Variants in MICU3 observed in about 807,000 individuals in gnomAD.
MICU3 encodes the protein calcium uptake protein 3, mitochondrial.
MICU3 carries 62 observed loss-of-function variants against 66.5 expected under a neutral mutation model. The observed-to-expected ratio is 0.93, with a 90% CI of 0.76 to 1.15. The LOEUF (loss-of-function observed/expected upper bound fraction) is 1.15. Among genes scored for constraint, MICU3 ranks in the 50% most tolerant of loss-of-function variants. MICU3 has a pLI of 0.00. For synonymous variants in MICU3, 308 were observed against 240.7 expected, an observed-to-expected ratio of 1.28 and a Z score of -2.59; for missense variants, 779 against 664.4, an observed-to-expected ratio of 1.17 and a Z score of -1.90.
chr8:17,135,395 CA>C, the MICU3 span, among the ~76,000 whole-genome samples: 6,800 of 128,200 alleles, frequency 0.053, 173 homozygotes, highest in African/African-American at 0.076. Context: ...AAGACTGTCT[CA>C]AAAAAAAAAA....
chr8:17,117,169 G>T (rs533500145), intron 13 of MICU3, among the ~76,000 whole-genome samples: 1 of 151,924 alleles, frequency 6.6e-6, no homozygotes, highest in African/African-American at 2.4e-5. Flanking sequence ...TACTAGCAAC[G>T]AGGTCACTCT....
chr8:17,125,457 C>G (rs1412412043), downstream of MICU3, among the ~76,000 whole-genome samples: 1 of 151,958 alleles, frequency 6.6e-6, no homozygotes, highest in African/African-American at 2.4e-5. Context: ...CTTTGGTATA[C>G]GTTCATATTT....
At chr8:17,052,240 G>T (rs566245131) in intron 1 of MICU3, among the ~76,000 whole-genome samples, 104 of 152,008 alleles carry the variant, frequency 6.8e-4, no homozygotes, top group African/African-American at 2.4e-3. Flanking sequence ...CATAATATTT[G>T]TATGTATTTA....
chr8:17,106,686 A>C (rs1283579599), intron 11 of MICU3, among the ~76,000 whole-genome samples: 2 of 152,082 alleles, frequency 1.3e-5, no homozygotes, highest in Non-Finnish European at 2.9e-5. Flanking sequence ...GATTACTTGT[A>C]GAAATGGAAA....
intron 8 of MICU3, among the ~76,000 whole-genome samples, chr8:17,094,138 T>G (rs1418451036): frequency 1.3e-5 from 2 of 152,046 alleles, no homozygotes; most frequent in Admixed American, 1.3e-4. Context: ...TTGTACTTTA[T>G]GTAACTGGCA....
At chr8:17,086,315 T>C (rs1799461982) in intron 6 of MICU3, among the ~76,000 whole-genome samples, 1 of 151,990 alleles carries the variant, frequency 6.6e-6, no homozygotes, top group African/African-American at 2.4e-5. Context: ...AAAATCCTCA[T>C]CAGAAGCTAA....
chr8:17,048,396 T>G (rs1815465659), intron 1 of MICU3, among the ~76,000 whole-genome samples: 1 of 152,124 alleles, frequency 6.6e-6, no homozygotes, highest in Non-Finnish European at 1.5e-5. Flanking sequence ...ACATCTTACA[T>G]GGAGGCAGGA....
intron 14 of MICU3, among the ~76,000 whole-genome samples, chr8:17,120,084 A>G (rs910244741): frequency 1.1e-4 from 17 of 152,196 alleles, no homozygotes; most frequent in African/African-American, 4.1e-4. Flanking sequence ...GGAAGTGGCT[A>G]CCTTTCTCTA....
At chr8:17,083,054 C>A (rs1199254101) in intron 5 of MICU3, among the ~76,000 whole-genome samples, 1 of 152,038 alleles carries the variant, frequency 6.6e-6, no homozygotes, top group African/African-American at 2.4e-5. Context: ...AAATGAATTT[C>A]CCGAGCATTC....
chr8:17,077,726 A>C, intron 3 of MICU3, 57 bp from the exon 4 acceptor site: 1 of 1,197,844 alleles, frequency 8.3e-7, no homozygotes, highest in Non-Finnish European at 1.2e-6. Context: ...CATGTTTTTG[A>C]TCTATTTTAT....
At chr8:17,054,308 G>A (rs1343199078) in intron 1 of MICU3, among the ~76,000 whole-genome samples, 1 of 152,058 alleles carries the variant, frequency 6.6e-6, no homozygotes, top group Non-Finnish European at 1.5e-5. Context: ...GAAGTTTGAT[G>A]ATATTTTATT....
chr8:17,086,790 A>G (rs1210522610), intron 6 of MICU3, among the ~76,000 whole-genome samples, 174 bp from the exon 7 acceptor site: 1 of 152,092 alleles, frequency 6.6e-6, no homozygotes, highest in Non-Finnish European at 1.5e-5. Flanking sequence ...ATACCAAAGG[A>G]TATATCTTCT....
intron 1 of MICU3, among the ~76,000 whole-genome samples, chr8:17,055,549 G>A (rs1816791071): frequency 1.3e-5 from 2 of 152,284 alleles, no homozygotes; most frequent in South Asian, 4.1e-4. Context: ...GTGTGGTTGT[G>A]TGACTTAAGT....
At chr8:17,055,413 T>C (rs1226013737) in intron 1 of MICU3, among the ~76,000 whole-genome samples, 1 of 152,246 alleles carries the variant, frequency 6.6e-6, no homozygotes, top group African/African-American at 2.4e-5. Flanking sequence ...GTCCCTGATG[T>C]TGTCACCCAA....
chr8:17,108,423 C>G (rs1010366305), intron 11 of MICU3, among the ~76,000 whole-genome samples: 4 of 152,104 alleles, frequency 2.6e-5, no homozygotes, highest in Non-Finnish European at 5.9e-5. Flanking sequence ...CAGTAGATGT[C>G]TTAGACTTAA....
At position 17,065,096 on chromosome 8, in the gene MICU3, T is replaced by A. The variant is rs550366856; in HGVS notation, c.535+859T>A. Among the ~76,000 whole-genome samples the A allele has an allele frequency of 3.1e-3, 467 of 152,252 alleles. 3 individuals carry two copies. The highest frequency in any genetic ancestry group is 0.012 in the South Asian group (58 of 4,828). On this transcript the variant is annotated intron_variant, in intron 2 of 14. Coordinates refer to ENST00000318063, the MANE Select transcript of MICU3 (RefSeq NM_181723.3). ...TATAAAAGGATACAGTGTATTTTTT[T>A]AAAAAATAATTCATTTCACTTCACT...
chr8:17,116,608 T>A lies in MICU3; in HGVS notation c.1524+8T>A. On this transcript the variant is annotated splice_region_variant and intron_variant, in intron 13 of 14. Transcript: ENST00000318063. ...CTCCATAGAGGATTCCGGGTAAACC[T>A]ACACATTTTAAACCTATTGATATCC... 6.5e-7 allele frequency: 1 copy of A among 1,542,998 alleles called. No individual in the cohort carries two copies. The highest frequency in any genetic ancestry group is 1.3e-5 in the South Asian group (1 of 78,368).
At chr8:17,113,355 A>G (rs911204819) in intron 11 of MICU3, among the ~76,000 whole-genome samples, 4 of 152,236 alleles carry the variant, frequency 2.6e-5, no homozygotes, top group Admixed American at 2.6e-4. Context: ...CCAAATGTGT[A>G]TTCTCTAAGA....
rs947257435 is a variant in MICU3, at chr8:17,108,463, C to T, written c.1257+2879C>T. Reference sequence around the variant, plus strand: ...TGCAAACCTGAACTCCTGGTCATTCCATAACACTTGTTCTGCAAACCATCT... The same window carrying T: ...TGCAAACCTGAACTCCTGGTCATTCTATAACACTTGTTCTGCAAACCATCT... On this transcript the variant is annotated intron_variant, in intron 11 of 14. Coordinates refer to ENST00000318063, the MANE Select transcript of MICU3 (RefSeq NM_181723.3). 4.6e-5 allele frequency among the ~76,000 whole-genome samples: 7 copies of T among 152,260 alleles called. 1 individual carries two copies. The Middle Eastern group carries it at 0.01, about 222-fold the overall frequency.
Sources: gnomAD v4.1 joint callset for allele counts (sites outside exome capture counted in the v4.1 genomes callset) on GRCh38, gnomAD v4.1.1 for gene constraint, MANE v1.5 for transcripts, NCBI Gene and HGNC (gene_info 2026-07-23, HGNC 2026-07-21) for gene names.